SUPT3H: variants seen among roughly 807,000 people sequenced by gnomAD.
SUPT3H encodes transcription initiation protein SPT3 homolog.
In SUPT3H, 44 loss-of-function variants were observed where a neutral mutation model predicts 44.3. The observed-to-expected ratio is 0.99, with a 90% CI of 0.78 to 1.28. SUPT3H has a LOEUF of 1.28. Ranked by LOEUF, SUPT3H falls within the 50% of genes most tolerant of loss-of-function variation. SUPT3H has a pLI of 0.00. For synonymous variants in SUPT3H, 124 were observed against 125.6 expected, an observed-to-expected ratio of 0.99 and a Z score of 0.09; for missense variants, 380 against 387.1, an observed-to-expected ratio of 0.98 and a Z score of 0.15.
At chr6:45,261,056 A>AT (rs953138100) in intron 2 of SUPT3H, among the ~76,000 whole-genome samples, 1 of 152,020 alleles carries the variant, frequency 6.6e-6, no homozygotes, top group African/African-American at 2.4e-5. Flanking sequence ...TTTTAAAATA[A>AT]TTTTTTTAAA....
intron 2 of SUPT3H, among the ~76,000 whole-genome samples, chr6:45,186,690 A>T (rs752468798): frequency 6.6e-6 from 1 of 152,164 alleles, no homozygotes; most frequent in Non-Finnish European, 1.5e-5. Context: ...AGAAGCAGGT[A>T]CACCACTCTT....
At chr6:44,844,921 A>G (rs896100705) in intron 10 of SUPT3H, among the ~76,000 whole-genome samples, 2 of 152,180 alleles carry the variant, frequency 1.3e-5, no homozygotes. Context: ...AAATAAAACA[A>G]CAAAACCCCC....
chr6:45,306,143 G>C (rs1782960763), intron 2 of SUPT3H, among the ~76,000 whole-genome samples: 1 of 152,148 alleles, frequency 6.6e-6, no homozygotes, highest in African/African-American at 2.4e-5. Context: ...CAAGTACCCA[G>C]GCTTCAGGTC....
chr6:45,288,154 C>T (rs1779621516), intron 2 of SUPT3H, among the ~76,000 whole-genome samples: 1 of 152,010 alleles, frequency 6.6e-6, no homozygotes, highest in Non-Finnish European at 1.5e-5. Flanking sequence ...TTTTATGTGC[C>T]AAAGCCACCT....
At chr6:44,906,894 A>T (rs1409260518) in intron 10 of SUPT3H, among the ~76,000 whole-genome samples, 1 of 152,154 alleles carries the variant, frequency 6.6e-6, no homozygotes, top group African/African-American at 2.4e-5. Flanking sequence ...ACTTTTCCTG[A>T]TGTACTTTGG....
chr6:44,959,766 T>G (rs1775734878), intron 7 of SUPT3H, among the ~76,000 whole-genome samples: 1 of 152,162 alleles, frequency 6.6e-6, no homozygotes. Flanking sequence ...TATTTTAAAA[T>G]GTACCAGTAA....
intron 3 of SUPT3H, among the ~76,000 whole-genome samples, chr6:45,062,186 T>G (rs191813975): frequency 1.3e-3 from 199 of 152,214 alleles, no homozygotes; most frequent in African/African-American, 4.6e-3. Flanking sequence ...CAGTCCATAA[T>G]AAAGTTGTTG....
intron 7 of SUPT3H, among the ~76,000 whole-genome samples, chr6:44,956,483 AT>A (rs369176968): frequency 0.74 from 68,664 of 92,624 alleles, 23,503 homozygotes; most frequent in African/African-American, 0.82. Flanking sequence ...AAAAAAAAAA[AT>A]AAAAAAAAAA....
At chr6:45,223,094 A>G (rs1479365301) in intron 2 of SUPT3H, among the ~76,000 whole-genome samples, 2 of 152,116 alleles carry the variant, frequency 1.3e-5, no homozygotes, top group Non-Finnish European at 2.9e-5. Context: ...AAGCAACACA[A>G]GGAATTTCAT....
At position 44,826,810 on chromosome 6, in the gene SUPT3H, A is replaced by G. The variant is rs940669608; in HGVS notation, c.*3006T>C. Among the ~76,000 whole-genome samples the G allele has an allele frequency of 6.6e-6, 1 of 152,194 alleles. No individual in the cohort carries two copies. Among genetic ancestry groups the G allele is most frequent in the African/African-American group, 2.4e-5 (1 of 41,468 alleles). On this transcript the variant is annotated 3_prime_UTR_variant, in exon 11 of 11. Coordinates refer to ENST00000371459, the MANE Select transcript of SUPT3H (RefSeq NM_003599.4). ...TCAGACATGGCTTGTTTATTATTTT[A>G]TAAAAACAAAGAACAGCAATAAATG...
intron 2 of SUPT3H, among the ~76,000 whole-genome samples, chr6:45,334,410 G>T (rs1295566413): frequency 2.4e-5 from 3 of 125,128 alleles, no homozygotes; most frequent in Non-Finnish European, 4.9e-5. Flanking sequence ...TTATAGTCAT[G>T]TATCTTACAC....
chr6:45,237,357 T>C (rs1000507489), intron 2 of SUPT3H, among the ~76,000 whole-genome samples: 1 of 152,176 alleles, frequency 6.6e-6, no homozygotes, highest in Non-Finnish European at 1.5e-5. Flanking sequence ...ACATTTTGCA[T>C]TGTGAAGGAC....
intron 9 of SUPT3H, among the ~76,000 whole-genome samples, chr6:44,933,933 T>G (rs1411534822): frequency 6.6e-6 from 1 of 152,202 alleles, no homozygotes; most frequent in East Asian, 1.9e-4. Context: ...GTAATAGTAT[T>G]AGGTTATTTA....
intron 4 of SUPT3H, among the ~76,000 whole-genome samples, chr6:45,016,594 T>TCCTTGTGATAGTTTTTTGTCC (rs1784322755): frequency 6.7e-6 from 1 of 148,940 alleles, no homozygotes; most frequent in Non-Finnish European, 1.5e-5. Context: ...ACATGCAGTG[T>TCCTTGTGATAGTTTTTTGTCC]TTGGTTTTTT....
At chr6:45,106,372 C>T (rs1799278363) in intron 2 of SUPT3H, among the ~76,000 whole-genome samples, 1 of 152,044 alleles carries the variant, frequency 6.6e-6, no homozygotes, top group South Asian at 2.1e-4. Context: ...GCAGAAGTTG[C>T]AGTGAGCCAA....
At chr6:45,267,030 G>A (rs2153659993) in intron 2 of SUPT3H, among the ~76,000 whole-genome samples, 1 of 152,116 alleles carries the variant, frequency 6.6e-6, no homozygotes, top group Admixed American at 6.6e-5. Context: ...ATAAGTATAA[G>A]GTATATACGA....
chr6:45,060,796 C>T (rs1378236612), intron 3 of SUPT3H, among the ~76,000 whole-genome samples: 1 of 152,080 alleles, frequency 6.6e-6, no homozygotes, highest in Admixed American at 6.5e-5. Context: ...AGGACGTGAA[C>T]AGACACTTCT....
intron 2 of SUPT3H, among the ~76,000 whole-genome samples, chr6:45,233,957 A>G (rs1005103636): frequency 3.9e-5 from 6 of 152,220 alleles, no homozygotes; most frequent in Admixed American, 3.3e-4. Context: ...TCACTAATAA[A>G]TTACTAAAAA....
chr6:44,985,241 A>AAAATAAAATT (rs2153492867), intron 6 of SUPT3H, among the ~76,000 whole-genome samples: 1 of 129,516 alleles, frequency 7.7e-6, no homozygotes, highest in African/African-American at 3.1e-5. Flanking sequence ...TAAAATAAAT[A>AAAATAAAATT]AATAAAATAG....
Sources: allele counts gnomAD v4.1 joint callset (sites outside exome capture counted in the v4.1 genomes callset), GRCh38; gene constraint gnomAD v4.1.1; transcripts MANE v1.5; gene names NCBI Gene and HGNC (gene_info 2026-07-23, HGNC 2026-07-21).